Variants in FAM135B observed in about 807,000 individuals in gnomAD.
FAM135B encodes family with sequence similarity 135 member B.
Under a neutral mutation model 127.7 loss-of-function variants are expected in FAM135B, and 43 were observed. That is an observed-to-expected ratio of 0.34 (90% CI 0.26 to 0.43). The LOEUF (loss-of-function observed/expected upper bound fraction) is 0.43, where lower values mean the gene tolerates loss of function less well. Among genes scored for constraint, FAM135B ranks in the 20% least tolerant of loss-of-function variants. The pLI, the probability that FAM135B is intolerant of heterozygous loss-of-function variation, is 1.00. For synonymous variants in FAM135B, 670 were observed against 665.1 expected (o/e 1.01, Z -0.11); for missense variants, 1,558 against 1,725.6 (o/e 0.90, Z 1.72).
chr8:138,412,119 C>T (rs930712909), intron 1 of FAM135B, among the ~76,000 whole-genome samples: 1 of 152,140 alleles, frequency 6.6e-6, no homozygotes, highest in African/African-American at 2.4e-5. Context: ...AGATACTATG[C>T]CCGCTACCTG....
intron 6 of FAM135B, among the ~76,000 whole-genome samples, chr8:138,247,438 G>C (rs4033106): frequency 0.61 from 93,052 of 152,018 alleles, 28,940 homozygotes; most frequent in Non-Finnish European, 0.67. Flanking sequence ...GTTTTATAAG[G>C]GCCTTTTATC....
At chr8:138,154,463 C>A (rs998443098) in intron 12 of FAM135B, among the ~76,000 whole-genome samples, 2 of 152,058 alleles carry the variant, frequency 1.3e-5, no homozygotes, top group African/African-American at 2.4e-5. Context: ...GACGGAAGTA[C>A]GCTTCAGATG....
rs79771086 is a variant in FAM135B at position 138,483,958 on chromosome 8, C to T, written c.-20+12713G>A. 9.7e-3 allele frequency among the ~76,000 whole-genome samples: 1,476 copies of T among 152,220 alleles called. 23 individuals carry two copies. The highest frequency in any genetic ancestry group is 0.033 in the African/African-American group (1,364 of 41,546). On this transcript the variant is annotated intron_variant, in intron 1 of 19. Transcript: ENST00000395297. ...TAGGGGGACACTGAATGAAGCCATA[C>T]AAATAAGAAAGAGCAGATCTGCAAT...
At chr8:138,322,847 A>T (rs1827540411) in intron 2 of FAM135B, among the ~76,000 whole-genome samples, 1 of 152,164 alleles carries the variant, frequency 6.6e-6, no homozygotes, top group African/African-American at 2.4e-5. Context: ...AAGGGAAGAC[A>T]CTGTGATGCG....
chr8:138,156,149 A>G (rs1818717737), intron 12 of FAM135B, among the ~76,000 whole-genome samples: 1 of 152,198 alleles, frequency 6.6e-6, no homozygotes, highest in Non-Finnish European at 1.5e-5. Context: ...AACTCACTCA[A>G]AACCGCTCAA....
intron 3 of FAM135B, among the ~76,000 whole-genome samples, chr8:138,309,222 A>G (rs984463325): frequency 6.6e-6 from 1 of 152,056 alleles, no homozygotes; most frequent in Non-Finnish European, 1.5e-5. Context: ...GACATCAGGG[A>G]CCTTCTTCTG....
At chr8:138,272,786 A>T (rs1823483628) in intron 3 of FAM135B, among the ~76,000 whole-genome samples, 1 of 152,238 alleles carries the variant, frequency 6.6e-6, no homozygotes, top group Admixed American at 6.5e-5. Context: ...GAGTGGTCTC[A>T]GGTATTTCAG....
intron 1 of FAM135B, among the ~76,000 whole-genome samples, chr8:138,427,835 T>A (rs16909162): frequency 0.068 from 10,292 of 152,242 alleles, 784 homozygotes; most frequent in East Asian, 0.26. Context: ...CATTGATACA[T>A]CTTTTATTCC....
intron 1 of FAM135B, among the ~76,000 whole-genome samples, chr8:138,422,186 A>G (rs1834551104): frequency 6.6e-6 from 1 of 152,168 alleles, no homozygotes. Context: ...AAACCTAGGA[A>G]ATACCATTCT....
At chr8:138,230,374 AGACCTG>A (rs1157351473) in intron 7 of FAM135B, among the ~76,000 whole-genome samples, 1 of 152,290 alleles carries the variant, frequency 6.6e-6, no homozygotes, top group African/African-American at 2.4e-5. Context: ...CAACAACCTA[AGACCTG>A]GACATATAAA....
intron 9 of FAM135B, among the ~76,000 whole-genome samples, chr8:138,187,035 G>A (rs980456985): frequency 2.0e-5 from 3 of 152,174 alleles, no homozygotes; most frequent in South Asian, 2.1e-4. Flanking sequence ...CAAGGATAGA[G>A]CCTGGTGAAC....
rs181090448 is a variant in FAM135B, at chr8:138,242,832, A to G, written c.669+110T>C. ...AGATGGTGAAAGGAAGGGTCAAATT[A>G]GCAAAAATCTCTGAAGGGGATGTTT... On this transcript the variant is annotated intron_variant, in intron 7 of 19. Coordinates refer to ENST00000395297, the MANE Select transcript of FAM135B (RefSeq NM_015912.4). The surrounding 1 kb of genome is among the most constrained non-coding windows in gnomAD (Gnocchi z 9.6). The G allele has an allele frequency of 1.4e-4, 203 of 1,431,228 alleles. 3 individuals are homozygous for G. In the South Asian group the frequency reaches 1.5e-3, roughly 10 times the overall value. The allele number at this position is 1,431,228 out of a possible 1,614,324, so 88.7% of individuals were successfully genotyped here.
intron 2 of FAM135B, among the ~76,000 whole-genome samples, chr8:138,323,047 T>C (rs1449536266): frequency 1.8e-4 from 27 of 152,244 alleles, no homozygotes; most frequent in Non-Finnish European, 5.9e-5. Context: ...TGCATTTTAT[T>C]GGCCTCAATG....
In FAM135B at chr8:138,496,750, C is replaced by G. The variant is rs1423504676; in HGVS notation, c.-99G>C. 2 of 154,454 alleles carry G rather than the reference C, an allele frequency of 1.3e-5. No homozygotes were observed. Among genetic ancestry groups the G allele is most frequent in the Non-Finnish European group, 2.9e-5 (2 of 69,746 alleles). 9.6% of individuals were successfully genotyped at this position (154,454 alleles called of 1,614,324 possible). Reference sequence around the variant, plus strand: ...CCCTCTCTCTCCTCTTTCGCCGTCTCTGGCCGCCAACAGTTGCGGCGGCGG... The same window carrying G: ...CCCTCTCTCTCCTCTTTCGCCGTCTGTGGCCGCCAACAGTTGCGGCGGCGG... On this transcript the variant is annotated 5_prime_UTR_variant, in exon 1 of 20. Coordinates refer to ENST00000395297, the MANE Select transcript of FAM135B (RefSeq NM_015912.4).
At chr8:138,286,262 C>T (rs899177284) in intron 3 of FAM135B, among the ~76,000 whole-genome samples, 2 of 152,182 alleles carry the variant, frequency 1.3e-5, no homozygotes, top group Non-Finnish European at 2.9e-5. Flanking sequence ...GGAGCAGATT[C>T]AGAAGCAGAG....
intron 6 of FAM135B, among the ~76,000 whole-genome samples, chr8:138,245,508 CT>C (rs1050041975): frequency 1.3e-5 from 2 of 152,172 alleles, no homozygotes; most frequent in Non-Finnish European, 2.9e-5. Flanking sequence ...AGCACTTCTC[CT>C]TGCTGCCGCC....
At chr8:138,212,565 A>G (rs1029401147) in intron 7 of FAM135B, among the ~76,000 whole-genome samples, 1 of 152,220 alleles carries the variant, frequency 6.6e-6, no homozygotes, top group Admixed American at 6.5e-5. Flanking sequence ...TTTGCTCACA[A>G]TGACTCTGCA....
At chr8:138,266,330 C>T (rs1024139284) in intron 3 of FAM135B, among the ~76,000 whole-genome samples, 3 of 152,076 alleles carry the variant, frequency 2.0e-5, no homozygotes, top group African/African-American at 4.8e-5. Flanking sequence ...CTCTGTCTTG[C>T]GTTTTAGGAA....
intron 11 of FAM135B, among the ~76,000 whole-genome samples, chr8:138,171,055 A>G (rs1047910986): frequency 6.6e-6 from 1 of 152,158 alleles, no homozygotes; most frequent in Non-Finnish European, 1.5e-5. Flanking sequence ...CTTGGTTCTG[A>G]GGAATTCCAA....
Sources: gnomAD v4.1 joint callset for allele counts (sites outside exome capture counted in the v4.1 genomes callset) on GRCh38, gnomAD v4.1.1 for gene constraint, Gnocchi (gnomAD v3.1) non-coding constraint, MANE v1.5 for transcripts, NCBI Gene and HGNC (gene_info 2026-07-23, HGNC 2026-07-21) for gene names.